GPRASP3: variants seen among roughly 807,000 people sequenced by gnomAD.
The protein encoded by GPRASP3 is G protein-coupled receptor associated sorting protein 3.
chrX:102,727,256 A>C, the GPRASP3 span, among the ~76,000 whole-genome samples: 1 of 112,467 alleles, frequency 8.9e-6, no homozygotes, highest in Admixed American at 9.4e-5. Context: ...CACAATATCA[A>C]CTTCCGTCCT....
At chrX:102,746,992 T>TG in the GPRASP3 span, among the ~76,000 whole-genome samples, 1 of 112,001 alleles carries the variant, frequency 8.9e-6, no homozygotes, top group African/African-American at 3.3e-5. Context: ...TAATGATGTG[T>TG]GAGAATGTGG....
chrX:102,736,572 T>C, the GPRASP3 span, among the ~76,000 whole-genome samples: 1 of 111,758 alleles, frequency 8.9e-6, no homozygotes, highest in Non-Finnish European at 1.9e-5. Flanking sequence ...ACCATCGTTA[T>C]AGTGGATCCT....
the GPRASP3 span, among the ~76,000 whole-genome samples, chrX:102,722,895 G>A: frequency 9.0e-6 from 1 of 111,285 alleles, no homozygotes; most frequent in East Asian, 2.8e-4. Context: ...ACAGTTAGAA[G>A]GAATATGATC....
the GPRASP3 span, among the ~76,000 whole-genome samples, chrX:102,735,457 T>C: frequency 9.6e-6 from 1 of 104,509 alleles, no homozygotes; most frequent in East Asian, 3.0e-4. Context: ...CAGGCTGGAG[T>C]GCAGTGGCAC....
the GPRASP3 span, chrX:102,750,146 A>G: frequency 8.3e-7 from 1 of 1,210,892 alleles, no homozygotes; most frequent in Non-Finnish European, 1.1e-6. Context: ...ATGAGAAAAA[A>G]GACTGTAATT....
At chrX:102,727,425 T>C in the GPRASP3 span, among the ~76,000 whole-genome samples, 3 of 112,120 alleles carry the variant, frequency 2.7e-5, no homozygotes, top group South Asian at 1.1e-3. Context: ...TGAGTGGAAT[T>C]TGATCAATGC....
the GPRASP3 span, chrX:102,751,624 A>T: frequency 8.1e-6 from 1 of 123,317 alleles, no homozygotes; most frequent in African/African-American, 3.2e-5. Context: ...GCAATGGATC[A>T]TGTCCATGCC....
the GPRASP3 span, chrX:102,751,376 A>G: frequency 8.1e-6 from 1 of 123,269 alleles, no homozygotes; most frequent in Non-Finnish European, 1.9e-5. Flanking sequence ...CTCTTCTCAC[A>G]GTGATCTTGT....
At chrX:102,742,375 GC>G in the GPRASP3 span, among the ~76,000 whole-genome samples, 2 of 111,695 alleles carry the variant, frequency 1.8e-5, no homozygotes, top group Non-Finnish European at 3.8e-5. Context: ...GCCTTTGTAG[GC>G]CTAACAAATT....
the GPRASP3 span, chrX:102,749,409 T>C: frequency 1.7e-6 from 2 of 1,211,934 alleles, no homozygotes; most frequent in Non-Finnish European, 2.2e-6. Flanking sequence ...CTAAGAATGA[T>C]AAACCTGAAA....
chrX:102,722,179 C>G, the GPRASP3 span, among the ~76,000 whole-genome samples: 2 of 111,681 alleles, frequency 1.8e-5, no homozygotes, highest in African/African-American at 3.3e-5. Context: ...TCCATGTCAC[C>G]CACACTTCTG....
chrX:102,742,690 G>A, the GPRASP3 span, among the ~76,000 whole-genome samples: 1 of 111,982 alleles, frequency 8.9e-6, no homozygotes, highest in South Asian at 3.8e-4. Context: ...GATAGCTCAA[G>A]CTGGTACCAA....
the GPRASP3 span, chrX:102,751,497 G>T: frequency 8.1e-6 from 1 of 123,375 alleles, no homozygotes; most frequent in Non-Finnish European, 1.9e-5. Context: ...AGGTGGCATA[G>T]CTGTTTTGTC....
At chrX:102,748,053 G>A in the GPRASP3 span, 3 of 111,729 alleles carry the variant, frequency 2.7e-5, no homozygotes, top group African/African-American at 9.8e-5. Context: ...CAAGTGATGG[G>A]GTGGGGTGAG....
At chrX:102,724,450 T>A in the GPRASP3 span, among the ~76,000 whole-genome samples, 2 of 111,372 alleles carry the variant, frequency 1.8e-5, no homozygotes, top group Non-Finnish European at 3.8e-5. Flanking sequence ...TTTAGATAAT[T>A]TTTAAAATTA....
the GPRASP3 span, among the ~76,000 whole-genome samples, chrX:102,748,311 G>T: frequency 8.9e-6 from 1 of 111,894 alleles, no homozygotes; most frequent in Non-Finnish European, 1.9e-5. Flanking sequence ...TGCAAACAGG[G>T]AAGGAGGAAA....
At chrX:102,744,773 C>G in the GPRASP3 span, among the ~76,000 whole-genome samples, 3 of 111,556 alleles carry the variant, frequency 2.7e-5, no homozygotes, top group African/African-American at 9.8e-5. Flanking sequence ...TTACAGGCAG[C>G]AAAGACACAC....
At chrX:102,740,847 GAGAA>G in the GPRASP3 span, among the ~76,000 whole-genome samples, 1 of 107,491 alleles carries the variant, frequency 9.3e-6, no homozygotes, top group African/African-American at 3.4e-5. Flanking sequence ...GAGAAGAAAA[GAGAA>G]AGGAAGGAAA....
At chrX:102,726,993 G>A in the GPRASP3 span, among the ~76,000 whole-genome samples, 1 of 112,459 alleles carries the variant, frequency 8.9e-6, no homozygotes, top group African/African-American at 3.2e-5. Flanking sequence ...CATGAGTTCT[G>A]CTACTGCAGA....
Sources: allele counts gnomAD v4.1 joint callset (sites outside exome capture counted in the v4.1 genomes callset), GRCh38; gene constraint gnomAD v4.1.1; transcripts MANE v1.5; gene names NCBI Gene and HGNC (gene_info 2026-07-23, HGNC 2026-07-21).